Variants in ESD observed in about 807,000 individuals in gnomAD.
The protein encoded by ESD is S-formylglutathione hydrolase.
In ESD, 34 loss-of-function variants were observed where a neutral mutation model predicts 38.1. The ratio of observed to expected loss-of-function variants is 0.89; its 90% CI spans 0.68 to 1.19. The LOEUF (loss-of-function observed/expected upper bound fraction) is 1.19. Among genes scored for constraint, ESD ranks in the 50% most tolerant of loss-of-function variants. The pLI is 0.00. For synonymous variants in ESD, 97 were observed against 107.0 expected, an observed-to-expected ratio of 0.91 and a Z score of 0.58; for missense variants, 334 against 327.2, an observed-to-expected ratio of 1.02 and a Z score of -0.16.
chr13:46,775,143 C>T (rs948550702), intron 9 of ESD, among the ~76,000 whole-genome samples: 2 of 151,718 alleles, frequency 1.3e-5, no homozygotes, highest in African/African-American at 4.8e-5. Context: ...AAGATTTGAT[C>T]TCTGTACACT....
chr13:46,781,662 TTC>T, intron 6 of ESD, 47 bp from the exon 7 acceptor site: 1 of 1,531,614 alleles, frequency 6.5e-7, no homozygotes, highest in Non-Finnish European at 9.0e-7. Context: ...AGAAAATAAG[TTC>T]AGACATTTCA....
chr13:46,781,739 G>GTA lies in ESD; in HGVS notation c.382-126_382-125dup, dbSNP rs1875010621. Reference sequence around the variant, plus strand: ...CATAGTCTTACAATGGTTTGAACTAGTAACAATGAAAACAAAACAAAACTA... The same window carrying GTA: ...CATAGTCTTACAATGGTTTGAACTAGTATAACAATGAAAACAAAACAAAACTA... On this transcript the variant is annotated intron_variant, in intron 6 of 9. Coordinates refer to ENST00000378720, the MANE Select transcript of ESD (RefSeq NM_001984.2). 7.0e-6 allele frequency: 6 copies of GTA among 862,742 alleles called. No homozygotes were observed. In the Admixed American group the frequency reaches 7.5e-5, roughly 11 times the overall value. The allele number at this position is 862,742 out of a possible 1,614,324, so 53.4% of individuals were successfully genotyped here. A position where few individuals can be genotyped will look rare whatever the true frequency, so the allele number is the denominator to read the frequency against.
intron 8 of ESD, 88 bp from the exon 9 acceptor site, chr13:46,777,711 ATT>A (rs1197691241): frequency 2.7e-6 from 3 of 1,096,486 alleles, no homozygotes; most frequent in African/African-American, 3.2e-5. Flanking sequence ...ATTTAAAGTT[ATT>A]TAAGCTCTTA....
intron 8 of ESD, among the ~76,000 whole-genome samples, chr13:46,777,964 C>T (rs1392674552): frequency 2.0e-5 from 3 of 151,664 alleles, no homozygotes; most frequent in South Asian, 2.1e-4. Flanking sequence ...ATTTTTTTTC[C>T]TTTGTAACTC....
chr13:46,773,332 A>G (rs1340444719), intron 9 of ESD, among the ~76,000 whole-genome samples: 2 of 152,218 alleles, frequency 1.3e-5, no homozygotes, highest in Non-Finnish European at 2.9e-5. Context: ...TATCTTCTAC[A>G]ATGGTTAAAC....
intron 9 of ESD, among the ~76,000 whole-genome samples, chr13:46,773,881 T>C (rs1177536820): frequency 6.6e-6 from 1 of 152,182 alleles, no homozygotes; most frequent in Admixed American, 6.5e-5. Context: ...AAGAAAGAAA[T>C]GTAAAGAAAA....
intron 9 of ESD, chr13:46,776,591 T>C (rs1283118131): frequency 6.6e-6 from 1 of 152,116 alleles, no homozygotes; most frequent in African/African-American, 2.4e-5. Flanking sequence ...AAAGAAATGA[T>C]ATCTCATTTG....
intron 9 of ESD, chr13:46,775,264 G>A (rs1461570362): frequency 2.0e-5 from 3 of 151,888 alleles, no homozygotes; most frequent in Admixed American, 2.0e-4. Flanking sequence ...TATCCCCGAT[G>A]CACTAACCCC....
chr13:46,774,653 G>C (rs1874724237), intron 9 of ESD, among the ~76,000 whole-genome samples: 1 of 152,130 alleles, frequency 6.6e-6, no homozygotes, highest in African/African-American at 2.4e-5. Context: ...CTCAAAAAGG[G>C]AGCAGTGCTC....
At chr13:46,786,924 G>T in intron 4 of ESD, 97 bp downstream of exon 4, 1 of 623,598 alleles carries the variant, frequency 1.6e-6, no homozygotes, top group Non-Finnish European at 2.5e-6. Context: ...TTCATAAATG[G>T]CTCAAAAAGC....
At chr13:46,785,469 C>T (rs1052079514) in intron 4 of ESD, among the ~76,000 whole-genome samples, 2 of 152,022 alleles carry the variant, frequency 1.3e-5, no homozygotes, top group Non-Finnish European at 2.9e-5. Flanking sequence ...CAAATCACTA[C>T]ACATGAACTA....
At chr13:46,779,908 G>T in intron 8 of ESD, 27 bp downstream of exon 8, 2 of 1,516,360 alleles carry the variant, frequency 1.3e-6, no homozygotes, top group Non-Finnish European at 1.8e-6. Flanking sequence ...TTAAGAATGA[G>T]TATTAAGACA....
intron 1 of ESD, among the ~76,000 whole-genome samples, chr13:46,794,402 A>G (rs752799983): frequency 6.6e-6 from 1 of 152,034 alleles, no homozygotes; most frequent in Non-Finnish European, 1.5e-5. Context: ...TTGCATAATC[A>G]TGACTCAGTG....
At chr13:46,773,308 C>T (rs139697099) in intron 9 of ESD, among the ~76,000 whole-genome samples, 5 of 152,258 alleles carry the variant, frequency 3.3e-5, no homozygotes, top group East Asian at 1.9e-4. Context: ...TCTAGGTCTG[C>T]GGAATCACCA....
At chr13:46,779,647 T>G (rs571725675) in intron 8 of ESD, among the ~76,000 whole-genome samples, 1 of 148,756 alleles carries the variant, frequency 6.7e-6, no homozygotes, top group Non-Finnish European at 1.5e-5. Context: ...AAAAAAAATA[T>G]AGCCCCAGAA....
rs565374039 is a variant in ESD at position 46,772,886 on chromosome 13, A to G, written c.769-1390T>C. 2.2e-4 allele frequency among the ~76,000 whole-genome samples: 33 copies of G among 152,162 alleles called. No individual in the cohort carries two copies. In the South Asian group the frequency reaches 2.7e-3, roughly 12 times the overall value. The stretch of plus-strand genomic sequence containing the variant: ...TTTTTAGTAGAGACGGGGTTTCGCC[A>G]TGTTAGCCAGGATGGTCTCGATCTC... On this transcript the variant is annotated intron_variant, in intron 9 of 9. Transcript: ENST00000378720.
In ESD at chr13:46,779,376, G is replaced by A. The variant is rs192549619; in HGVS notation, c.600+559C>T. The stretch of plus-strand genomic sequence containing the variant: ...AGGCAAGTCTAAATTTAGTAACACA[G>A]GTTGAACATCCCTAATCCAAAAATC... On this transcript the variant is annotated intron_variant, in intron 8 of 9. Coordinates refer to ENST00000378720, the MANE Select transcript of ESD (RefSeq NM_001984.2). Among the ~76,000 whole-genome samples, 266 of 151,660 alleles carry A rather than the reference G, an allele frequency of 1.8e-3. 1 individual carries two copies. Among genetic ancestry groups the A allele is most frequent in the African/African-American group, 6.2e-3 (257 of 41,468 alleles).
In ESD at chr13:46,774,503, G is replaced by GC. The variant is rs1464598351; in HGVS notation, c.768+2952dup. 2.0e-5 allele frequency among the ~76,000 whole-genome samples: 3 copies of GC among 152,246 alleles called. No homozygotes were observed. The East Asian group carries it at 5.8e-4, about 29-fold the overall frequency. ...GATATGTTAAGCAGCTTGTGCAAAT[G>GC]CCTATGTTTAGTGACACTTGAAGGG... On this transcript the variant is annotated intron_variant, in intron 9 of 9. Transcript: ENST00000378720.
At position 46,771,469 on chromosome 13, in the gene ESD, C is replaced by T; in HGVS notation, c.796G>A (p.Ala266Thr). The T allele has an allele frequency of 1.2e-6, 2 of 1,606,310 alleles. No homozygotes were observed. The highest frequency in any genetic ancestry group is 8.5e-7 in the Non-Finnish European group (1 of 1,174,530). ...EGYDHSYYFI[A>T]TFITDHIRHH... ...CTGATGTGGTCAGTAATAAAGGTTGCAATGAAGTAGTAGCTATGATCATAA... is the reference window on the plus strand; with the variant it reads ...CTGATGTGGTCAGTAATAAAGGTTGTAATGAAGTAGTAGCTATGATCATAA... The change falls in exon 10 of 10, where the codon GCA becomes ACA. Residue 266 changes from alanine to threonine, a missense_variant. Transcript: ENST00000378720.
Sources: allele counts gnomAD v4.1 joint callset (sites outside exome capture counted in the v4.1 genomes callset), GRCh38; gene constraint gnomAD v4.1.1; transcripts MANE v1.5; gene names NCBI Gene and HGNC (gene_info 2026-07-23, HGNC 2026-07-21).